The following PTPRD variants were observed in gnomAD, a reference collection of about 807,000 sequenced individuals.
The protein encoded by PTPRD is receptor-type tyrosine-protein phosphatase delta.
Under a neutral mutation model 214.5 loss-of-function variants are expected in PTPRD, and 34 were observed. The observed-to-expected ratio is 0.16, with a 90% CI of 0.12 to 0.21. PTPRD has a LOEUF of 0.21. Among genes scored for constraint, PTPRD ranks in the 10% least tolerant of loss-of-function variants. The pLI is 1.00. For missense variants in PTPRD, 2,545 were observed against 2,398.7 expected, an observed-to-expected ratio of 1.06 and a Z score of -1.27; for synonymous variants, 1,128 against 845.7, an observed-to-expected ratio of 1.33 and a Z score of -5.79.
At chr9:9,593,213 GTT>G (rs1366085499) in intron 7 of PTPRD, among the ~76,000 whole-genome samples, 1 of 148,244 alleles carries the variant, frequency 6.7e-6, no homozygotes, top group African/African-American at 2.5e-5. Context: ...TTTTGTTTTT[GTT>G]TTTCCCCCCC....
intron 9 of PTPRD, among the ~76,000 whole-genome samples, chr9:9,184,153 C>A (rs1201137792): frequency 1.3e-5 from 2 of 152,004 alleles, no homozygotes; most frequent in African/African-American, 2.4e-5. Flanking sequence ...CTTTTTGACA[C>A]CCTGCTCCCT....
intron 7 of PTPRD, among the ~76,000 whole-genome samples, chr9:9,701,891 G>C (rs985921599): frequency 6.6e-6 from 1 of 152,100 alleles, no homozygotes; most frequent in African/African-American, 2.4e-5. Context: ...GGCCGAGGCG[G>C]GTGGACCACC....
intron 23 of PTPRD, among the ~76,000 whole-genome samples, chr9:8,503,679 A>T (rs2097471058): frequency 6.6e-6 from 1 of 152,194 alleles, no homozygotes; most frequent in South Asian, 2.1e-4. Flanking sequence ...TATGTTTGCG[A>T]TTATTCCATT....
At chr9:9,950,019 T>G (rs1426892528) in intron 4 of PTPRD, among the ~76,000 whole-genome samples, 1 of 152,186 alleles carries the variant, frequency 6.6e-6, no homozygotes, top group Non-Finnish European at 1.5e-5. Flanking sequence ...ATTCTTAACA[T>G]AAAGTCTCTT....
chr9:10,479,652 A>AATAAATACATACATAAATAC (rs66767934), intron 2 of PTPRD, among the ~76,000 whole-genome samples: 7 of 124,096 alleles, frequency 5.6e-5, no homozygotes, highest in African/African-American at 9.3e-5. Flanking sequence ...TAAATAAATA[A>AATAAATACATACATAAATAC]ATAAATAAAC....
At chr9:8,657,790 A>G (rs933361903) in intron 12 of PTPRD, among the ~76,000 whole-genome samples, 10 of 152,184 alleles carry the variant, frequency 6.6e-5, no homozygotes, top group African/African-American at 2.4e-4. Context: ...AAATTGGCAC[A>G]TGGGTTTTTT....
chr9:9,182,337 T>A (rs1313273400), intron 10 of PTPRD, among the ~76,000 whole-genome samples: 1 of 152,060 alleles, frequency 6.6e-6, no homozygotes, highest in Non-Finnish European at 1.5e-5. Context: ...GGGACGGTGA[T>A]ATTCTTTTCT....
chr9:9,588,464 G>C (rs1424858740), intron 7 of PTPRD, among the ~76,000 whole-genome samples: 1 of 151,872 alleles, frequency 6.6e-6, no homozygotes, highest in Non-Finnish European at 1.5e-5. Flanking sequence ...GAAAGTCATA[G>C]CCACTTCATG....
At chr9:8,490,686 T>C (rs893532299) in intron 27 of PTPRD, among the ~76,000 whole-genome samples, 5 of 152,150 alleles carry the variant, frequency 3.3e-5, no homozygotes, top group African/African-American at 9.7e-5. Flanking sequence ...TTCATAAGCA[T>C]TGAAACATAA....
intron 7 of PTPRD, among the ~76,000 whole-genome samples, chr9:9,723,928 A>C (rs375198165): frequency 7.2e-5 from 11 of 152,082 alleles, no homozygotes; most frequent in African/African-American, 2.7e-4. Flanking sequence ...AGGATTTTCT[A>C]CATATACAAT....
At chr9:9,190,568 C>T (rs982278161) in intron 9 of PTPRD, among the ~76,000 whole-genome samples, 3 of 151,924 alleles carry the variant, frequency 2.0e-5, no homozygotes, top group African/African-American at 7.2e-5. Flanking sequence ...ACGAGTTAGC[C>T]CCTTTCCTCT....
intron 12 of PTPRD, among the ~76,000 whole-genome samples, chr9:8,717,601 C>T (rs1325640645): frequency 3.3e-5 from 5 of 152,164 alleles, no homozygotes; most frequent in Admixed American, 1.3e-4. Flanking sequence ...ACTGGGTTCC[C>T]TAGTAATTTG....
At chr9:9,277,273 T>C (rs562717886) in intron 9 of PTPRD, among the ~76,000 whole-genome samples, 2 of 151,514 alleles carry the variant, frequency 1.3e-5, no homozygotes, top group African/African-American at 2.4e-5. Flanking sequence ...TCATTCAGTA[T>C]GGTTGTGTCT....
intron 21 of PTPRD, 38 bp from the exon 22 acceptor site, chr9:8,507,472 C>G (rs779369429): frequency 1.2e-6 from 2 of 1,612,278 alleles, no homozygotes; most frequent in Admixed American, 1.7e-5. Context: ...CTCACAATCA[C>G]CAGGAGTATT....
chr9:9,963,654 T>G (rs1420134819), intron 4 of PTPRD, among the ~76,000 whole-genome samples: 2 of 152,166 alleles, frequency 1.3e-5, no homozygotes. Flanking sequence ...AGTTGATGTT[T>G]AATCATGTAA....
In PTPRD at chr9:9,152,212, G is replaced by T. The variant is rs537578084; in HGVS notation, c.-143+31092C>A. Reference sequence around the variant, plus strand: ...TCTAATCCTTTAACCAAGCTTTCTGGCAAATCAGAGCCATGGCATTTTTCA... The same window carrying T: ...TCTAATCCTTTAACCAAGCTTTCTGTCAAATCAGAGCCATGGCATTTTTCA... On this transcript the variant is annotated intron_variant, in intron 10 of 45. Coordinates refer to ENST00000381196, the MANE Select transcript of PTPRD (RefSeq NM_002839.4). Among the ~76,000 whole-genome samples, 4 of 152,196 alleles carry T rather than the reference G, an allele frequency of 2.6e-5. No individual in the cohort carries two copies. In the East Asian group the frequency reaches 7.7e-4, roughly 29 times the overall value.
At position 9,574,062 on chromosome 9, in the gene PTPRD, G is replaced by C. The variant is rs534761781; in HGVS notation, c.-237+670C>G. ...TTATTATGTTTACTAATAAGCAACA[G>C]ATAAACTCTGAAAGTTGGCTTAGTG... On this transcript the variant is annotated intron_variant, in intron 8 of 45. Coordinates refer to ENST00000381196, the MANE Select transcript of PTPRD (RefSeq NM_002839.4). Among the ~76,000 whole-genome samples the C allele has an allele frequency of 4.6e-5, 7 of 151,828 alleles. No individual in the cohort carries two copies. In the South Asian group the frequency reaches 1.2e-3, roughly 27 times the overall value.
chr9:8,899,527 T>C (rs2098648741), intron 11 of PTPRD, among the ~76,000 whole-genome samples: 1 of 152,150 alleles, frequency 6.6e-6, no homozygotes, highest in Non-Finnish European at 1.5e-5. Flanking sequence ...GCAGAAATTT[T>C]CTGGAAAAGT....
intron 2 of PTPRD, among the ~76,000 whole-genome samples, chr9:10,595,257 T>C (rs1328698509): frequency 6.6e-6 from 1 of 151,766 alleles, no homozygotes; most frequent in East Asian, 1.9e-4. Flanking sequence ...TGTTAATTGC[T>C]AATTAAAGAA....
Sources: gnomAD v4.1 joint callset for allele counts (sites outside exome capture counted in the v4.1 genomes callset) on GRCh38, gnomAD v4.1.1 for gene constraint, MANE v1.5 for transcripts, NCBI Gene and HGNC (gene_info 2026-07-23, HGNC 2026-07-21) for gene names.